The following PGM2L1 variants were observed in gnomAD, a reference collection of about 807,000 sequenced individuals.
The protein encoded by PGM2L1 is phosphoglucomutase 2 like 1.
In PGM2L1, 35 loss-of-function variants were observed where a neutral mutation model predicts 73.4. The observed-to-expected ratio is 0.48, with a 90% CI of 0.36 to 0.63. PGM2L1 has a LOEUF of 0.63. PGM2L1 is among the 30% of genes least tolerant of loss of function. The pLI is 0.00. For synonymous variants in PGM2L1, 225 were observed against 253.8 expected, an observed-to-expected ratio of 0.89 and a Z score of 1.08; for missense variants, 570 against 742.0, an observed-to-expected ratio of 0.77 and a Z score of 2.69.
chr11:74,353,604 T>A (rs1225491738), intron 5 of PGM2L1, among the ~76,000 whole-genome samples: 2 of 151,704 alleles, frequency 1.3e-5, no homozygotes, highest in Non-Finnish European at 2.9e-5. Flanking sequence ...CTTAATCCAT[T>A]TAACCCTGAG....
chr11:74,371,813 A>G lies in PGM2L1; in HGVS notation c.284T>C (p.Met95Thr), dbSNP rs1188060136. The change falls in exon 3 of 14, where the codon ATG (methionine) becomes ACG (threonine). Residue 95 changes from methionine (M) to threonine (T), a missense_variant. Met to Thr is a moderately conservative substitution (Grantham distance 81). Transcript: ENST00000298198. ...DLTVIQSTQG[M>T]YKYLERCFSD... ...GAAACATCTCTCAAGGTATTTGTACATCCCCTGAAGCAAATAAACACAAAA... is the reference window on the plus strand; with the variant it reads ...GAAACATCTCTCAAGGTATTTGTACGTCCCCTGAAGCAAATAAACACAAAA... The G allele has an allele frequency of 1.2e-6, 2 of 1,610,762 alleles. No homozygotes were observed. The highest frequency in any genetic ancestry group is 2.2e-5 in the South Asian group (2 of 91,008).
chr11:74,378,622 A>C lies in PGM2L1; in HGVS notation c.112-4040T>G, dbSNP rs1160095660. On this transcript the variant is annotated intron_variant, in intron 1 of 13. Coordinates refer to ENST00000298198, the MANE Select transcript of PGM2L1 (RefSeq NM_173582.6). ...ACCTGTATACCAAAAATTTTCCTTT[A>C]GGTTCTAATCCTATGGTTTGCTTCA... Among the ~76,000 whole-genome samples the C allele has an allele frequency of 2.6e-5, 4 of 152,202 alleles. No individual in the cohort carries two copies. The East Asian group carries it at 7.7e-4, about 29-fold the overall frequency.
intron 1 of PGM2L1, among the ~76,000 whole-genome samples, chr11:74,375,685 G>C (rs1420613401): frequency 1.3e-5 from 2 of 152,090 alleles, no homozygotes; most frequent in African/African-American, 4.8e-5. Flanking sequence ...GGTTATAGTA[G>C]AAATTAAAGT....
rs891325521 is a variant in PGM2L1, at chr11:74,335,435, G to A, written c.*1217C>T. On this transcript the variant is annotated 3_prime_UTR_variant, in exon 14 of 14. Coordinates refer to ENST00000298198, the MANE Select transcript of PGM2L1 (RefSeq NM_173582.6). ...GCGCCCAGCCCAAAAGTGACTTTTT[G>A]TAAAAAATTATTTTCTACACTAAAA... 6.6e-6 allele frequency: 1 copy of A among 152,108 alleles called. No homozygotes were observed. The highest frequency in any genetic ancestry group is 1.5e-5 in the Non-Finnish European group (1 of 68,008). The allele number at this position is 152,108 out of a possible 1,614,324, so 9.4% of individuals were successfully genotyped here. A position where few individuals can be genotyped will look rare whatever the true frequency, so the allele number is the denominator to read the frequency against.
At chr11:74,358,255 G>A (rs551104932) in intron 5 of PGM2L1, among the ~76,000 whole-genome samples, 115 of 152,256 alleles carry the variant, frequency 7.6e-4, no homozygotes, top group African/African-American at 2.7e-3. Context: ...GGACAAGTGG[G>A]TATATGGGAA....
intron 1 of PGM2L1, chr11:74,397,744 GAT>G (rs1491328875): frequency 9.6e-5 from 9 of 93,482 alleles, no homozygotes; most frequent in African/African-American, 2.9e-4. Flanking sequence ...CAATGATGAT[GAT>G]TTTTTTTTTT....
Position 74,348,985 on chromosome 11 carries a change from T to G in PGM2L1, c.750-1648A>C, listed in dbSNP as rs79569115. 5.4e-3 allele frequency among the ~76,000 whole-genome samples: 816 copies of G among 152,334 alleles called. 10 individuals carry two copies. Among genetic ancestry groups the G allele is most frequent in the East Asian group, 0.042 (219 of 5,194 alleles). Reference sequence around the variant, plus strand: ...AAACTAAGATTCACCAGTGTCAGCCTAATCCTTCCATCAAAATATTTCCCA... The same window carrying G: ...AAACTAAGATTCACCAGTGTCAGCCGAATCCTTCCATCAAAATATTTCCCA... On this transcript the variant is annotated intron_variant, in intron 6 of 13. Coordinates refer to ENST00000298198, the MANE Select transcript of PGM2L1 (RefSeq NM_173582.6).
chr11:74,343,072 GTT>G, intron 10 of PGM2L1, 58 bp from the exon 11 acceptor site: 1 of 1,519,486 alleles, frequency 6.6e-7, no homozygotes, highest in Non-Finnish European at 8.8e-7. Flanking sequence ...AATTTCAATA[GTT>G]TTACATTTCT....
At position 74,347,312 on chromosome 11, in the gene PGM2L1, T is replaced by C. The variant is rs773668444; in HGVS notation, c.775A>G (p.Lys259Glu). Residue 259 changes from lysine (K) to glutamate (E), a missense_variant, in exon 7 of 14, where the codon AAA (lysine) becomes GAA (glutamate). Coordinates refer to ENST00000298198, the MANE Select transcript of PGM2L1 (RefSeq NM_173582.6). ...YRELNSKTTL[K>E]FVHTSFHGVG... ...CCATGAAAAGATGTGTGCACAAATT[T>C]CAAGGTGGTCTTCGAGTTTAACTCC... is the stretch of plus-strand genomic sequence containing the variant. 6.3e-7 allele frequency: 1 copy of C among 1,599,710 alleles called. No homozygotes were observed. Among genetic ancestry groups the C allele is most frequent in the East Asian group, 2.2e-5 (1 of 44,532 alleles).
chr11:74,388,305 C>T (rs526760), intron 1 of PGM2L1, among the ~76,000 whole-genome samples: 111,496 of 151,526 alleles, frequency 0.74, 41,891 homozygotes, highest in Non-Finnish European at 0.83. Flanking sequence ...AAATCTCATG[C>T]TAAGTGTTCT....
rs551129988 is a variant in PGM2L1 at position 74,343,258 on chromosome 11, T to C, written c.1312+65A>G. On this transcript the variant is annotated intron_variant, in intron 10 of 13. Coordinates refer to ENST00000298198, the MANE Select transcript of PGM2L1 (RefSeq NM_173582.6). ...ATGAAACCAGAACACAAAAAACTCC[T>C]CCTACAGAATTACATTTTAAAAATT... 2.7e-6 allele frequency: 4 copies of C among 1,500,942 alleles called. No individual in the cohort carries two copies. The African/African-American group carries it at 5.7e-5, about 21-fold the overall frequency. 93.0% of individuals were successfully genotyped at this position (1,500,942 alleles called of 1,614,324 possible).
chr11:74,346,661 G>A (rs751052463), intron 8 of PGM2L1, 71 bp downstream of exon 8: 3 of 1,121,012 alleles, frequency 2.7e-6, no homozygotes, highest in South Asian at 1.5e-5. Context: ...TATTTTCAAT[G>A]AGCCTGTAAG....
At chr11:74,338,668 A>T in intron 12 of PGM2L1, 67 bp from the exon 13 acceptor site, 1 of 1,498,778 alleles carries the variant, frequency 6.7e-7, no homozygotes, top group Non-Finnish European at 9.1e-7. Context: ...CATTTTCAAG[A>T]ATTGTAAAAT....
chr11:74,381,737 C>T (rs966747900), intron 1 of PGM2L1, among the ~76,000 whole-genome samples: 1 of 151,806 alleles, frequency 6.6e-6, no homozygotes, highest in African/African-American at 2.4e-5. Context: ...GAAGCCACTG[C>T]ACCCAGTGTA....
chr11:74,383,757 T>A lies in PGM2L1; in HGVS notation c.112-9175A>T, dbSNP rs571097854. Among the ~76,000 whole-genome samples the A allele has an allele frequency of 2.0e-5, 3 of 150,400 alleles. No homozygotes were observed. In the South Asian group the frequency reaches 6.3e-4, roughly 32 times the overall value. ...ATAATGGCTTCCAGCTCCATCCATGTCCTTACAAAGAACATGATCTCAATC... is the reference window on the plus strand; with the variant it reads ...ATAATGGCTTCCAGCTCCATCCATGACCTTACAAAGAACATGATCTCAATC... On this transcript the variant is annotated intron_variant, in intron 1 of 13. Transcript: ENST00000298198.
At position 74,338,532 on chromosome 11, in the gene PGM2L1, G is replaced by A. The variant is rs1862132534; in HGVS notation, c.1702C>T (p.Arg568Trp). ...ATCTTTGGTTCTGTTCCACTTGTCC[G>A]AAGGGTAGCAACACAGCCATTTTGA... ...TFQNGCVATL[R>W]TSGTEPKIKY... is the part of the protein sequence containing the mutation. The change falls in exon 13 of 14, where the codon CGG becomes TGG. Residue 568 changes from arginine to tryptophan, a missense_variant. Physicochemically the swap from Arg to Trp is moderately radical, Grantham distance 101. Coordinates refer to ENST00000298198, the MANE Select transcript of PGM2L1 (RefSeq NM_173582.6). 4 of 1,605,492 alleles carry A rather than the reference G, an allele frequency of 2.5e-6. No homozygotes were observed. Among genetic ancestry groups the A allele is most frequent in the Non-Finnish European group, 3.4e-6 (4 of 1,173,692 alleles).
In PGM2L1 at chr11:74,368,595, A is replaced by G. The variant is rs762613353; in HGVS notation, c.472-20T>C. 6.2e-7 allele frequency: 1 copy of G among 1,601,340 alleles called. No individual in the cohort carries two copies. Among genetic ancestry groups the G allele is most frequent in the South Asian group, 1.1e-5 (1 of 90,712 alleles). On this transcript the variant is annotated intron_variant, in intron 4 of 13. Transcript: ENST00000298198. ...ATATGGCTGAAAAATAAATAACACCATAATTCCATTTTGCTTCCTAGCTAT... is the reference window on the plus strand; with the variant it reads ...ATATGGCTGAAAAATAAATAACACCGTAATTCCATTTTGCTTCCTAGCTAT...
chr11:74,351,246 C>T (rs995628091), intron 6 of PGM2L1, 137 bp downstream of exon 6: 3 of 787,610 alleles, frequency 3.8e-6, no homozygotes, highest in Non-Finnish European at 5.8e-6. Flanking sequence ...GGGTTATTTC[C>T]ACTCTTTGAC....
At position 74,333,097 on chromosome 11, in the gene PGM2L1, C is replaced by T. The variant is rs1387216850; in HGVS notation, c.*3555G>A. On this transcript the variant is annotated 3_prime_UTR_variant, in exon 14 of 14. Transcript: ENST00000298198. ...TAGTGCCCTTTATGACATTTTTGTT[C>T]TAACCTGAGTTTTTAAAAAAAATGT... 6.6e-6 allele frequency: 1 copy of T among 150,744 alleles called. No homozygotes were observed. The highest frequency in any genetic ancestry group is 2.5e-5 in the African/African-American group (1 of 40,192). The allele number at this position is 150,744 out of a possible 1,614,324, so 9.3% of individuals were successfully genotyped here. A position where few individuals can be genotyped will look rare whatever the true frequency, so the allele number is the denominator to read the frequency against.
Sources: allele counts gnomAD v4.1 joint callset (sites outside exome capture counted in the v4.1 genomes callset), GRCh38; gene constraint gnomAD v4.1.1; transcripts MANE v1.5; gene names NCBI Gene and HGNC (gene_info 2026-07-23, HGNC 2026-07-21).